Variants in SVOP observed in about 807,000 individuals in gnomAD.
The protein encoded by SVOP is synaptic vesicle 2-related protein.
SVOP carries 17 observed loss-of-function variants against 69.1 expected under a neutral mutation model. The observed-to-expected ratio is 0.25, with a 90% confidence interval of 0.17 to 0.37. The LOEUF (loss-of-function observed/expected upper bound fraction) is 0.37. Ranked by LOEUF, SVOP falls within the 10% of genes least tolerant of loss-of-function variation. SVOP has a pLI of 1.00. For missense variants in SVOP, 435 were observed against 597.5 expected (o/e 0.73, Z 2.84); for synonymous variants, 238 against 238.6 (o/e 1.00, Z 0.02).
chr12:108,928,635 C>T (rs73410997), intron 11 of SVOP, among the ~76,000 whole-genome samples: 2,586 of 150,704 alleles, frequency 0.017, 59 homozygotes, highest in African/African-American at 0.059. Context: ...GGTACAATCT[C>T]GTCTCACAGC....
At chr12:109,007,522 C>T (rs1022651765) in intron 1 of SVOP, among the ~76,000 whole-genome samples, 5 of 152,270 alleles carry the variant, frequency 3.3e-5, no homozygotes, top group South Asian at 4.1e-4. Context: ...TAAAGAGGAG[C>T]CTTATCAGGC....
intron 11 of SVOP, among the ~76,000 whole-genome samples, chr12:108,924,377 C>A (rs1012365352): frequency 3.3e-4 from 50 of 152,158 alleles, no homozygotes; most frequent in African/African-American, 1.1e-3. Context: ...GGGTGAGTGT[C>A]CCCCAAAGTT....
chr12:108,919,948 T>C (rs1015226550), intron 12 of SVOP, among the ~76,000 whole-genome samples, 162 bp from the exon 13 acceptor site: 2 of 152,182 alleles, frequency 1.3e-5, no homozygotes, highest in Admixed American at 6.5e-5. Flanking sequence ...GGTGTCACTT[T>C]TGAGGTCAGG....
At chr12:108,919,053 G>T (rs934613513) in intron 13 of SVOP, among the ~76,000 whole-genome samples, 1 of 145,782 alleles carries the variant, frequency 6.9e-6, no homozygotes, top group Admixed American at 6.8e-5. Context: ...ACCTGGGCCG[G>T]CACCCACACC....
intron 6 of SVOP, among the ~76,000 whole-genome samples, chr12:108,954,049 T>C (rs1333599950): frequency 3.4e-5 from 5 of 147,514 alleles, no homozygotes; most frequent in African/African-American, 1.3e-4. Context: ...GAGGTGGAGG[T>C]TGCAGTGAGC....
intron 6 of SVOP, among the ~76,000 whole-genome samples, chr12:108,948,738 TTC>T (rs1195905479): frequency 6.6e-6 from 1 of 152,142 alleles, no homozygotes; most frequent in Non-Finnish European, 1.5e-5. Context: ...ACCAAAGTGG[TTC>T]TCCAAAAAGT....
intron 8 of SVOP, among the ~76,000 whole-genome samples, chr12:108,939,215 A>T (rs1193957365): frequency 6.6e-6 from 1 of 152,234 alleles, no homozygotes. Context: ...TCTTAAGAGG[A>T]TTAAACAGGA....
intron 9 of SVOP, among the ~76,000 whole-genome samples, chr12:108,937,818 A>G (rs1254007424): frequency 6.6e-6 from 1 of 152,266 alleles, no homozygotes; most frequent in Non-Finnish European, 1.5e-5. Flanking sequence ...ATTTTACATA[A>G]TTCACAAATT....
intron 1 of SVOP, among the ~76,000 whole-genome samples, chr12:109,002,999 AAAT>A (rs1357501420): frequency 7.5e-5 from 1 of 13,376 alleles, no homozygotes; most frequent in Admixed American, 1.9e-3. Flanking sequence ...ATAAATAAAT[AAAT>A]AAAAATAAAA....
At chr12:108,984,837 A>C (rs2040158761) in intron 1 of SVOP, among the ~76,000 whole-genome samples, 2 of 152,200 alleles carry the variant, frequency 1.3e-5, no homozygotes, top group African/African-American at 4.8e-5. Context: ...CTGAAAAGAC[A>C]GATGTGTTCT....
intron 6 of SVOP, among the ~76,000 whole-genome samples, chr12:108,956,493 C>G (rs142073601): frequency 3.9e-5 from 6 of 152,208 alleles, no homozygotes; most frequent in Admixed American, 2.0e-4. Flanking sequence ...AAAGAGCCAG[C>G]CTGCCCGCAA....
At chr12:108,922,834 T>G in intron 11 of SVOP, 37 bp from the exon 12 acceptor site, 1 of 1,448,778 alleles carries the variant, frequency 6.9e-7, no homozygotes, top group Non-Finnish European at 9.5e-7. Context: ...GGGAGACATA[T>G]ACAGAGTCTT....
At chr12:108,966,432 C>T (rs560146169) in intron 5 of SVOP, among the ~76,000 whole-genome samples, 1 of 152,018 alleles carries the variant, frequency 6.6e-6, no homozygotes, top group East Asian at 1.9e-4. Context: ...GTCCTAACCC[C>T]GTATGTGAAT....
intron 6 of SVOP, among the ~76,000 whole-genome samples, chr12:108,951,120 G>A (rs2039951603): frequency 1.3e-5 from 2 of 152,184 alleles, no homozygotes; most frequent in Admixed American, 6.5e-5. Context: ...GAGGAACGAG[G>A]ACAGGCTTTG....
chr12:108,940,753 C>T, intron 8 of SVOP, 31 bp downstream of exon 8: 1 of 1,532,204 alleles, frequency 6.5e-7, no homozygotes. Context: ...TGTCAGACAG[C>T]AAAAGGTGAA....
intron 1 of SVOP, among the ~76,000 whole-genome samples, chr12:108,987,358 G>A (rs557410611): frequency 1.6e-4 from 24 of 152,334 alleles, no homozygotes; most frequent in African/African-American, 5.8e-4. Context: ...TTGATGGACA[G>A]GTTGTTTCCA....
chr12:108,975,991 G>A (rs1179439123), intron 4 of SVOP, among the ~76,000 whole-genome samples: 7 of 152,052 alleles, frequency 4.6e-5, no homozygotes, highest in African/African-American at 1.4e-4. Flanking sequence ...GTCAGCTACC[G>A]TGACCAGCCT....
intron 6 of SVOP, among the ~76,000 whole-genome samples, chr12:108,945,975 G>A (rs1023065806): frequency 1.3e-5 from 2 of 152,110 alleles, no homozygotes; most frequent in African/African-American, 4.8e-5. Context: ...CCCCTTTGTG[G>A]GGAAGTATTC....
intron 12 of SVOP, among the ~76,000 whole-genome samples, chr12:108,922,484 C>T (rs946035115): frequency 6.6e-5 from 10 of 152,196 alleles, no homozygotes; most frequent in Non-Finnish European, 2.9e-5. Flanking sequence ...TGAAACTGGG[C>T]AGCTTAACTT....
Sources: allele counts gnomAD v4.1 joint callset (sites outside exome capture counted in the v4.1 genomes callset), GRCh38; gene constraint gnomAD v4.1.1; transcripts MANE v1.5; gene names NCBI Gene and HGNC (gene_info 2026-07-23, HGNC 2026-07-21).